FBXO36: variants seen among roughly 807,000 people sequenced by gnomAD.
FBXO36 encodes F-box protein 36, also known as F-box only protein 36.
FBXO36 carries 18 observed loss-of-function variants against 17.0 expected under a neutral mutation model. That is an observed-to-expected ratio of 1.06 (90% CI 0.73 to 1.57). The LOEUF (loss-of-function observed/expected upper bound fraction) is 1.57, where lower values mean the gene tolerates loss of function less well. Among genes scored for constraint, FBXO36 ranks in the 40% most tolerant of loss-of-function variants. The pLI is 0.00. For synonymous variants in FBXO36, 83 were observed against 85.3 expected, an observed-to-expected ratio of 0.97 and a Z score of 0.15; for missense variants, 229 against 221.9, an observed-to-expected ratio of 1.03 and a Z score of -0.20.
chr2:229,937,090 A>G (rs2076967770), intron 1 of FBXO36, among the ~76,000 whole-genome samples: 1 of 152,172 alleles, frequency 6.6e-6, no homozygotes, highest in Non-Finnish European at 1.5e-5. Context: ...TTTTATATAT[A>G]GCCCAGAAAG....
chr2:229,976,470 T>C, intron 2 of FBXO36, 121 bp downstream of exon 2: 4 of 666,864 alleles, frequency 6.0e-6, no homozygotes, highest in Middle Eastern at 2.5e-4. Context: ...TGTACTTACA[T>C]ATACAATGTT....
At chr2:229,960,491 C>T (rs934255441) in intron 1 of FBXO36, among the ~76,000 whole-genome samples, 5 of 149,356 alleles carry the variant, frequency 3.3e-5, no homozygotes, top group South Asian at 2.2e-4. Context: ...TTTTTTTGGG[C>T]GGGGGGGCGG....
At chr2:229,948,215 T>A (rs2077037567) in intron 1 of FBXO36, among the ~76,000 whole-genome samples, 1 of 152,214 alleles carries the variant, frequency 6.6e-6, no homozygotes, top group Non-Finnish European at 1.5e-5. Flanking sequence ...CACATTTACA[T>A]GTTCTTTTTA....
intron 1 of FBXO36, among the ~76,000 whole-genome samples, chr2:229,954,316 C>A (rs1478330055): frequency 1.5e-5 from 2 of 137,692 alleles, no homozygotes; most frequent in African/African-American, 5.4e-5. Context: ...AATCTCAGCT[C>A]ACTGCAACCT....
At chr2:229,995,622 C>T (rs1203014036) in intron 2 of FBXO36, among the ~76,000 whole-genome samples, 1 of 54,924 alleles carries the variant, frequency 1.8e-5, no homozygotes, top group Non-Finnish European at 3.3e-5. Context: ...GACAGAATTT[C>T]GCTCTTGTTG....
chr2:229,997,149 A>C (rs13382327), intron 3 of FBXO36, among the ~76,000 whole-genome samples: 1 of 151,970 alleles, frequency 6.6e-6, no homozygotes, highest in Non-Finnish European at 1.5e-5. Context: ...CAGTTCAACA[A>C]GGGATGTGTA....
At chr2:229,965,409 T>C (rs1577345073) in intron 1 of FBXO36, among the ~76,000 whole-genome samples, 1 of 151,928 alleles carries the variant, frequency 6.6e-6, no homozygotes, top group South Asian at 2.1e-4. Context: ...AGTTCTAGGG[T>C]ACATGTGTAC....
intron 2 of FBXO36, among the ~76,000 whole-genome samples, chr2:229,996,362 A>G (rs2077327357): frequency 6.6e-6 from 1 of 152,196 alleles, no homozygotes; most frequent in African/African-American, 2.4e-5. Flanking sequence ...GGGCTGGCAG[A>G]AAAGCCACGT....
chr2:230,000,456 A>C (rs1057394496), intron 3 of FBXO36, among the ~76,000 whole-genome samples: 20 of 151,634 alleles, frequency 1.3e-4, no homozygotes, highest in Non-Finnish European at 5.9e-5. Context: ...GTGGGGATCT[A>C]GCAAAAGTTT....
intron 1 of FBXO36, among the ~76,000 whole-genome samples, chr2:229,949,754 A>T (rs1206900541): frequency 3.3e-5 from 5 of 151,756 alleles, no homozygotes; most frequent in Admixed American, 1.3e-4. Context: ...TGAAACCCTG[A>T]CTCTACTAAA....
At chr2:229,995,216 GA>G (rs1490658564) in intron 2 of FBXO36, among the ~76,000 whole-genome samples, 1 of 152,080 alleles carries the variant, frequency 6.6e-6, no homozygotes, top group Non-Finnish European at 1.5e-5. Context: ...GCCAAAGGAA[GA>G]AAATAAAAGT....
At chr2:229,936,180 C>T (rs538074526) in intron 1 of FBXO36, among the ~76,000 whole-genome samples, 19 of 151,962 alleles carry the variant, frequency 1.3e-4, no homozygotes, top group African/African-American at 2.2e-4. Context: ...AGTGAAACTC[C>T]GTCTCAAAAA....
intron 1 of FBXO36, among the ~76,000 whole-genome samples, chr2:229,962,633 G>A (rs2077129277): frequency 6.6e-6 from 1 of 151,452 alleles, no homozygotes; most frequent in South Asian, 2.1e-4. Context: ...GCCTCCCAAA[G>A]TGCTGGGATT....
chr2:229,943,985 G>A (rs1422386140), intron 1 of FBXO36, among the ~76,000 whole-genome samples: 1 of 152,086 alleles, frequency 6.6e-6, no homozygotes, highest in Non-Finnish European at 1.5e-5. Context: ...TTAAAAGTGT[G>A]CAGCACCTCC....
chr2:229,925,914 G>C (rs1447279261), intron 1 of FBXO36, among the ~76,000 whole-genome samples: 1 of 152,036 alleles, frequency 6.6e-6, no homozygotes, highest in Admixed American at 6.6e-5. Context: ...ACAGCTTGGG[G>C]TCAGTTTAGT....
intron 1 of FBXO36, among the ~76,000 whole-genome samples, chr2:229,966,334 G>C (rs2077152612): frequency 6.6e-6 from 1 of 152,126 alleles, no homozygotes; most frequent in Admixed American, 6.6e-5. Context: ...TAGGTTGCCT[G>C]TTCACTCTGA....
intron 2 of FBXO36, among the ~76,000 whole-genome samples, chr2:229,991,472 T>C (rs1032701027): frequency 3.3e-5 from 5 of 152,130 alleles, no homozygotes; most frequent in African/African-American, 1.2e-4. Context: ...GACCAGAGGC[T>C]CACTCCCTGT....
In FBXO36 at chr2:230,001,983, A is replaced by AATTTT. The variant is rs559139014; in HGVS notation, c.378+5080_378+5084dup. The stretch of plus-strand genomic sequence containing the variant: ...CAAGTGCAAGCCACCACACCTGGCT[A>AATTTT]ATTTTATTTTATTTTATTTTATTTC... On this transcript the variant is annotated intron_variant, in intron 3 of 3. Coordinates refer to ENST00000283946, the MANE Select transcript of FBXO36 (RefSeq NM_174899.5). 2.3e-4 allele frequency among the ~76,000 whole-genome samples: 35 copies of AATTTT among 152,130 alleles called. 1 individual carries two copies. The South Asian group carries it at 4.2e-3, about 18-fold the overall frequency.
intron 1 of FBXO36, among the ~76,000 whole-genome samples, chr2:229,963,463 G>A (rs1354514402): frequency 9.1e-6 from 1 of 109,894 alleles, no homozygotes; most frequent in Non-Finnish European, 1.7e-5. Flanking sequence ...TTTTTTTTTC[G>A]AGGCGGAGTC....
Sources: allele counts gnomAD v4.1 joint callset (sites outside exome capture counted in the v4.1 genomes callset), GRCh38; gene constraint gnomAD v4.1.1; transcripts MANE v1.5; gene names NCBI Gene and HGNC (gene_info 2026-07-23, HGNC 2026-07-21).